CSNK2A2IP: variants seen among roughly 807,000 people sequenced by gnomAD.
CSNK2A2IP encodes casein kinase II subunit alpha'-interacting protein.
the CSNK2A2IP span, among the ~76,000 whole-genome samples, chr3:88,384,019 A>G: frequency 6.6e-6 from 1 of 152,174 alleles, no homozygotes; most frequent in Non-Finnish European, 1.5e-5. Context: ...AATATAGAAT[A>G]TAATAACTTT....
the CSNK2A2IP span, among the ~76,000 whole-genome samples, chr3:88,386,245 C>A: frequency 1.3e-5 from 2 of 152,080 alleles, no homozygotes; most frequent in Non-Finnish European, 2.9e-5. Context: ...CCGCCTCAGT[C>A]TCCCAAGTTG....
chr3:88,411,237 C>T, the CSNK2A2IP span, among the ~76,000 whole-genome samples: 1 of 151,830 alleles, frequency 6.6e-6, no homozygotes, highest in Non-Finnish European at 1.5e-5. Flanking sequence ...AATCTGTTTT[C>T]TTCTAATTTT....
the CSNK2A2IP span, among the ~76,000 whole-genome samples, chr3:88,393,263 T>G: frequency 2.0e-5 from 3 of 152,214 alleles, no homozygotes; most frequent in African/African-American, 7.2e-5. Flanking sequence ...ACTGCCCAAC[T>G]GAAGACTGTT....
chr3:88,451,721 ATC>A, the CSNK2A2IP span, among the ~76,000 whole-genome samples: 2 of 129,130 alleles, frequency 1.5e-5, no homozygotes, highest in Non-Finnish European at 1.6e-5. Context: ...ACACTCTGTA[ATC>A]TCTCTCTCTT....
chr3:88,367,085 A>G, the CSNK2A2IP span, among the ~76,000 whole-genome samples: 1,503 of 152,244 alleles, frequency 9.9e-3, 22 homozygotes, highest in African/African-American at 0.035. Flanking sequence ...ATTTAAGATG[A>G]GATTTGGGTG....
the CSNK2A2IP span, among the ~76,000 whole-genome samples, chr3:88,439,968 C>G: frequency 3.9e-5 from 6 of 152,064 alleles, no homozygotes; most frequent in East Asian, 1.2e-3. Context: ...TATAATTAAA[C>G]CAGGACAATC....
chr3:88,375,676 C>T, the CSNK2A2IP span, among the ~76,000 whole-genome samples: 1 of 151,778 alleles, frequency 6.6e-6, no homozygotes, highest in South Asian at 2.1e-4. Context: ...GAAAGGGAGC[C>T]TACTAGTATT....
chr3:88,452,358 A>G, the CSNK2A2IP span, among the ~76,000 whole-genome samples: 1 of 152,250 alleles, frequency 6.6e-6, no homozygotes, highest in South Asian at 2.1e-4. Flanking sequence ...ACAAAGCATA[A>G]TATTCTGTAG....
At chr3:88,394,599 CT>C in the CSNK2A2IP span, among the ~76,000 whole-genome samples, 1 of 152,166 alleles carries the variant, frequency 6.6e-6, no homozygotes, top group Non-Finnish European at 1.5e-5. Flanking sequence ...GTCTCGAACT[CT>C]TGACCTTAGG....
the CSNK2A2IP span, among the ~76,000 whole-genome samples, chr3:88,457,367 T>A: frequency 6.6e-6 from 1 of 151,974 alleles, no homozygotes; most frequent in Admixed American, 6.6e-5. Flanking sequence ...TTTTTTTTTA[T>A]CTATATTTAT....
chr3:88,416,270 T>C, the CSNK2A2IP span, among the ~76,000 whole-genome samples: 1 of 141,672 alleles, frequency 7.1e-6, no homozygotes, highest in Admixed American at 7.0e-5. Flanking sequence ...AGACTCCCTA[T>C]TAAAAAAAAA....
chr3:88,413,961 G>T, the CSNK2A2IP span, among the ~76,000 whole-genome samples: 11 of 151,582 alleles, frequency 7.3e-5, no homozygotes, highest in African/African-American at 2.4e-4. Flanking sequence ...AGGTTATCAA[G>T]AAAGAATAAA....
chr3:88,427,162 T>C, the CSNK2A2IP span, among the ~76,000 whole-genome samples: 1 of 151,936 alleles, frequency 6.6e-6, no homozygotes, highest in East Asian at 1.9e-4. Context: ...TGGTCTCAGA[T>C]GGAGATGAAG....
At chr3:88,366,645 GA>G in the CSNK2A2IP span, among the ~76,000 whole-genome samples, 879 of 152,160 alleles carry the variant, frequency 5.8e-3, 6 homozygotes, top group African/African-American at 0.019. Flanking sequence ...GATTAAGAAA[GA>G]GAAACAGGTA....
the CSNK2A2IP span, among the ~76,000 whole-genome samples, chr3:88,376,043 T>A: frequency 6.6e-6 from 1 of 151,854 alleles, no homozygotes; most frequent in Non-Finnish European, 1.5e-5. Flanking sequence ...CCTCCCTGGC[T>A]GACCAAAATC....
chr3:88,441,873 A>T, the CSNK2A2IP span, among the ~76,000 whole-genome samples: 2,076 of 152,200 alleles, frequency 0.014, 40 homozygotes, highest in African/African-American at 0.048. Flanking sequence ...CCAGCTAGAG[A>T]TTTTCTTCTT....
the CSNK2A2IP span, among the ~76,000 whole-genome samples, chr3:88,350,472 G>A: frequency 1.3e-4 from 19 of 151,944 alleles, no homozygotes; most frequent in African/African-American, 4.4e-4. Flanking sequence ...TTGTTTATTG[G>A]GATGGGAAGG....
the CSNK2A2IP span, among the ~76,000 whole-genome samples, chr3:88,445,721 G>T: frequency 1.3e-5 from 2 of 152,026 alleles, no homozygotes; most frequent in African/African-American, 2.4e-5. Context: ...GCCATGCCTG[G>T]CTAAATGGTT....
the CSNK2A2IP span, among the ~76,000 whole-genome samples, chr3:88,434,637 A>G: frequency 2.0e-5 from 3 of 152,204 alleles, no homozygotes; most frequent in Non-Finnish European, 4.4e-5. Flanking sequence ...CAGGGTTGCT[A>G]TGAAAACCAG....
Sources: gnomAD v4.1 joint callset for allele counts (sites outside exome capture counted in the v4.1 genomes callset) on GRCh38, gnomAD v4.1.1 for gene constraint, MANE v1.5 for transcripts, NCBI Gene and HGNC (gene_info 2026-07-23, HGNC 2026-07-21) for gene names.